Variants in NRAS observed in about 807,000 individuals in gnomAD.
The protein encoded by NRAS is NRAS proto-oncogene, GTPase, also known as GTPase NRas.
A neutral mutation model predicts 21.3 loss-of-function variants in NRAS; 6 were observed. The ratio of observed to expected loss-of-function variants is 0.28; its 90% CI spans 0.15 to 0.56. NRAS has a LOEUF of 0.56. NRAS is among the 20% of genes least tolerant of loss of function. The probability of loss-of-function intolerance (pLI) is 0.93; values close to 1 mark genes in which losing one functional copy is unlikely to be tolerated. For synonymous variants in NRAS, 84 were observed against 82.0 expected (o/e 1.02, Z -0.13); for missense variants, 143 against 231.3 (o/e 0.62, Z 2.48).
At chr1:114,711,407 G>A (rs11800696) in intron 3 of NRAS, among the ~76,000 whole-genome samples, 4,101 of 152,064 alleles carry the variant, frequency 0.027, 95 homozygotes, top group Non-Finnish European at 0.034. Context: ...AAACCAGCCC[G>A]GCCAACATGG....
At chr1:114,712,126 T>C (rs1233611477) in intron 3 of NRAS, among the ~76,000 whole-genome samples, 1 of 152,164 alleles carries the variant, frequency 6.6e-6, no homozygotes, top group Non-Finnish European at 1.5e-5. Context: ...GTCAGGTTAC[T>C]ACTGATTTTT....
intron 3 of NRAS, among the ~76,000 whole-genome samples, chr1:114,711,090 AC>A (rs1384384297): frequency 3.3e-5 from 5 of 152,080 alleles, no homozygotes; most frequent in Admixed American, 6.6e-5. Context: ...GGATCACTTG[AC>A]CTAGGAGTCC....
chr1:114,710,527 A>G lies in NRAS; in HGVS notation c.291-799T>C, dbSNP rs143546179. ...AAAAAAGAAAGAAAAGAAAGGGAAG[A>G]AAGAAAAGAAAAGAGAAAAGAAAAA... On this transcript the variant is annotated intron_variant, in intron 3 of 6. Coordinates refer to ENST00000369535, the MANE Select transcript of NRAS (RefSeq NM_002524.5). 7.0e-3 allele frequency among the ~76,000 whole-genome samples: 1,056 copies of G among 150,406 alleles called. 9 individuals carry two copies. Among genetic ancestry groups the G allele is most frequent in the African/African-American group, 0.025 (1,026 of 40,332 alleles).
chr1:114,705,506 T>C lies in NRAS; in HGVS notation c.*2588A>G, dbSNP rs577675786. 1 of 152,338 alleles carries C rather than the reference T, an allele frequency of 6.6e-6. No homozygotes were observed. The highest frequency in any genetic ancestry group is 2.1e-4 in the South Asian group (1 of 4,830). 9.4% of individuals were successfully genotyped at this position (152,338 alleles called of 1,614,324 possible). A position where few individuals can be genotyped will look rare whatever the true frequency, so the allele number is the denominator to read the frequency against. On this transcript the variant is annotated 3_prime_UTR_variant, in exon 7 of 7. Transcript: ENST00000369535. The stretch of plus-strand genomic sequence containing the variant: ...GAAAGAGAAGGATTTTGAGGTAAAC[T>C]AGAATTCTTTTCAGCAATCACAAAC...
chr1:114,710,374 G>A (rs1419809682), intron 3 of NRAS, among the ~76,000 whole-genome samples: 1 of 145,112 alleles, frequency 6.9e-6, no homozygotes, highest in Non-Finnish European at 1.5e-5. Flanking sequence ...ATTATAGCTG[G>A]GTGTGGTGGC....
At chr1:114,709,785 G>C (rs560157268) in intron 3 of NRAS, 57 bp from the exon 4 acceptor site, 1 of 1,426,872 alleles carries the variant, frequency 7.0e-7, no homozygotes, top group Admixed American at 1.7e-5. Context: ...GCTGGGTACA[G>C]TGGCTCATGC....
chr1:114,712,268 T>C (rs1355878218), intron 3 of NRAS, among the ~76,000 whole-genome samples: 1 of 152,208 alleles, frequency 6.6e-6, no homozygotes, highest in Non-Finnish European at 1.5e-5. Context: ...ACCAAATTTG[T>C]AGTCCACCTT....
At position 114,709,571 on chromosome 1, in the gene NRAS, G is replaced by C. The variant is rs1658995510; in HGVS notation, c.448C>G (p.Gln150Glu). The C allele has an allele frequency of 6.2e-7, 1 of 1,613,862 alleles. No homozygotes were observed. The highest frequency in any genetic ancestry group is 8.5e-7 in the Non-Finnish European group (1 of 1,179,716). ...PFIETSAKTR[Q>E]GVEDAFYTLV... is the part of the protein sequence containing the mutation. ...AAATGCTGAAAGCTGTACCATACCT[G>C]TCTGGTCTTGGCTGAGGTTTCAATG... The change falls in exon 4 of 7, where the codon CAG (glutamine) becomes GAG (glutamate). Residue 150 changes from glutamine to glutamate, a missense_variant and splice_region_variant. By Grantham distance (29) the Gln-to-Glu change is conservative. Coordinates refer to ENST00000369535, the MANE Select transcript of NRAS (RefSeq NM_002524.5).
In NRAS at chr1:114,706,860, T is replaced by G. The variant is rs1199406509; in HGVS notation, c.*1234A>C. 6 of 152,400 alleles carry G rather than the reference T, an allele frequency of 3.9e-5. No individual in the cohort carries two copies. In the East Asian group the frequency reaches 1.2e-3, roughly 29 times the overall value. The allele number at this position is 152,400 out of a possible 1,614,324, so 9.4% of individuals were successfully genotyped here. ...ACCATGCTTTACTCAACTGAAATAA[T>G]CAAGCCCCTATTGCTGTGGGGGAAG... On this transcript the variant is annotated 3_prime_UTR_variant, in exon 7 of 7. Transcript: ENST00000369535.
In NRAS at chr1:114,713,820, A is replaced by C; in HGVS notation, c.270T>G (p.Phe90Leu). The change falls in exon 3 of 7, where the codon TTT becomes TTG. Residue 90 changes from phenylalanine to leucine, a missense_variant. Transcript: ENST00000369535. ...AGTACCTGTAGAGGTTAATATCCGC[A>C]AATGACTTGCTATTATTGATGGCAA... ...CVFAINNSKS[F>L]ADINLYREQI... 6.2e-7 allele frequency: 1 copy of C among 1,614,110 alleles called. No homozygotes were observed. Among genetic ancestry groups the C allele is most frequent in the Non-Finnish European group, 8.5e-7 (1 of 1,179,938 alleles).
intron 3 of NRAS, among the ~76,000 whole-genome samples, chr1:114,710,598 A>C (rs1406851485): frequency 6.6e-6 from 1 of 152,130 alleles, no homozygotes; most frequent in African/African-American, 2.4e-5. Flanking sequence ...AGAGAGAGAC[A>C]AGATTTCAGG....
chr1:114,708,593 A>T lies in NRAS; in HGVS notation c.512T>A (p.Leu171His). 1 of 1,613,322 alleles carries T rather than the reference A, an allele frequency of 6.2e-7. No homozygotes were observed. The highest frequency in any genetic ancestry group is 8.5e-7 in the Non-Finnish European group (1 of 1,179,258). ...CTGAGTCCCATCATCACTGCTGTTG[A>T]GTTTTTTCATTCGGTACTGGCGTAT... is the stretch of plus-strand genomic sequence containing the variant. ...REIRQYRMKK[L>H]NSSDDGTQGC... Residue 171 changes from leucine (L) to histidine (H), a missense_variant, in exon 5 of 7, where the codon CTC (leucine) becomes CAC (histidine). Leu to His is a moderately conservative substitution (Grantham distance 99, BLOSUM62 -3). Transcript: ENST00000369535.
Position 114,707,105 on chromosome 1 carries a change from T to A in NRAS, c.*989A>T, listed in dbSNP as rs999811300. On this transcript the variant is annotated 3_prime_UTR_variant, in exon 7 of 7. Transcript: ENST00000369535. ...ACACAAATTTGAATACAAATGGAAG[T>A]TCATTGAATATTAGGTTTATCAGTA... is the stretch of plus-strand genomic sequence containing the variant. The A allele has an allele frequency of 6.6e-6, 1 of 152,638 alleles. No homozygotes were observed. Among genetic ancestry groups the A allele is most frequent in the African/African-American group, 2.4e-5 (1 of 41,446 alleles). 9.5% of individuals were successfully genotyped at this position (152,638 alleles called of 1,614,324 possible). A position where few individuals can be genotyped will look rare whatever the true frequency, so the allele number is the denominator to read the frequency against.
chr1:114,716,520 C>G, intron 1 of NRAS, 138 bp downstream of exon 1: 1 of 366,546 alleles, frequency 2.7e-6, no homozygotes, highest in Middle Eastern at 9.1e-4. Flanking sequence ...AAGATCTCCC[C>G]ACGTAGGCAC....
At chr1:114,709,832 G>T in intron 3 of NRAS, 104 bp from the exon 4 acceptor site, 1 of 902,772 alleles carries the variant, frequency 1.1e-6, no homozygotes. Flanking sequence ...GAGGAGGGCA[G>T]ACTGCTTGAA....
At chr1:114,714,929 C>A (rs913970786) in intron 2 of NRAS, among the ~76,000 whole-genome samples, 1 of 152,184 alleles carries the variant, frequency 6.6e-6, no homozygotes, top group Non-Finnish European at 1.5e-5. Flanking sequence ...CAATTAAACA[C>A]GAGTAGCCAG....
At chr1:114,708,910 G>C (rs1028077862) in intron 4 of NRAS, among the ~76,000 whole-genome samples, 1 of 152,228 alleles carries the variant, frequency 6.6e-6, no homozygotes, top group African/African-American at 2.4e-5. Flanking sequence ...AAAGGGTAAT[G>C]TGAGAAACAC....
intron 3 of NRAS, among the ~76,000 whole-genome samples, chr1:114,711,407 G>T (rs11800696): frequency 2.0e-5 from 3 of 151,950 alleles, no homozygotes; most frequent in African/African-American, 7.2e-5. Context: ...AAACCAGCCC[G>T]GCCAACATGG....
intron 4 of NRAS, 32 bp from the exon 5 acceptor site, chr1:114,708,686 G>A (rs1484962609): frequency 1.2e-6 from 2 of 1,611,006 alleles, no homozygotes; most frequent in East Asian, 4.5e-5. Context: ...AAAAATGAGA[G>A]AGCTAGCTCA....
Sources: allele counts gnomAD v4.1 joint callset (sites outside exome capture counted in the v4.1 genomes callset), GRCh38; gene constraint gnomAD v4.1.1; transcripts MANE v1.5; gene names NCBI Gene and HGNC (gene_info 2026-07-23, HGNC 2026-07-21).